NPAS3: variants seen among roughly 807,000 people sequenced by gnomAD.
NPAS3 encodes neuronal PAS domain-containing protein 3.
Under a neutral mutation model 73.1 loss-of-function variants are expected in NPAS3, and 14 were observed. That is an observed-to-expected ratio of 0.19 (90% CI 0.13 to 0.30). The LOEUF (loss-of-function observed/expected upper bound fraction) is 0.30, where lower values mean the gene tolerates loss of function less well. Ranked by LOEUF, NPAS3 falls within the 10% of genes least tolerant of loss-of-function variation. NPAS3 has a pLI of 1.00. For missense variants in NPAS3, 1,096 were observed against 1,250.0 expected (o/e 0.88, Z 1.86); for synonymous variants, 620 against 541.5 (o/e 1.14, Z -2.01).
chr14:33,624,221 A>C (rs552114702), intron 5 of NPAS3, among the ~76,000 whole-genome samples: 1 of 152,322 alleles, frequency 6.6e-6, no homozygotes, highest in South Asian at 2.1e-4. Flanking sequence ...TTGTTCCCCG[A>C]GATATCCCAT....
At chr14:33,566,441 C>A (rs1187746978) in intron 5 of NPAS3, among the ~76,000 whole-genome samples, 1 of 152,002 alleles carries the variant, frequency 6.6e-6, no homozygotes, top group Non-Finnish European at 1.5e-5. Context: ...GCTCGTTCTT[C>A]CCCCCTTTTC....
At chr14:33,605,438 G>T (rs1387074949) in intron 5 of NPAS3, among the ~76,000 whole-genome samples, 4 of 143,516 alleles carry the variant, frequency 2.8e-5, no homozygotes, top group Non-Finnish European at 6.0e-5. Flanking sequence ...CTTAAAATAT[G>T]ATCATCTACC....
intron 2 of NPAS3, among the ~76,000 whole-genome samples, chr14:33,163,249 C>T (rs1353929597): frequency 6.6e-6 from 1 of 152,206 alleles, no homozygotes; most frequent in Admixed American, 6.5e-5. Context: ...TGTCCATTGA[C>T]GACCCTCTGA....
rs1040746461 is a variant in NPAS3 at position 33,464,530 on chromosome 14, T to G, written c.469-95591T>G. Among the ~76,000 whole-genome samples, 9 of 152,322 alleles carry G rather than the reference T, an allele frequency of 5.9e-5. 1 individual carries two copies. The South Asian group carries it at 1.9e-3, about 32-fold the overall frequency. On this transcript the variant is annotated intron_variant, in intron 4 of 11. Coordinates refer to ENST00000356141, the Ensembl canonical transcript of NPAS3. ...GCCACTGCTTCTCTATGAAGTTTTT[T>G]GAGAGATCGACCCCTCCTAATTTTT...
At chr14:33,210,973 G>T (rs890001298) in intron 2 of NPAS3, among the ~76,000 whole-genome samples, 1 of 152,174 alleles carries the variant, frequency 6.6e-6, no homozygotes, top group Non-Finnish European at 1.5e-5. Flanking sequence ...TGAGAAGAGA[G>T]TGCACATTAT....
intron 4 of NPAS3, among the ~76,000 whole-genome samples, chr14:33,497,322 T>G (rs1476341115): frequency 6.6e-6 from 1 of 152,144 alleles, no homozygotes; most frequent in Admixed American, 6.6e-5. Context: ...TACCATTTTC[T>G]TTCCTCACAG....
At position 33,409,884 on chromosome 14, in the gene NPAS3, T is replaced by C. The variant is rs2047843444; in HGVS notation, c.468+42616T>C. ...AGAAAATGACAGGAGACATCTAAAA[T>C]AATCTGGTTGGAGACATTGCTAAAA... On this transcript the variant is annotated intron_variant, in intron 4 of 11. Transcript: ENST00000356141. Among the ~76,000 whole-genome samples, 3 of 152,294 alleles carry C rather than the reference T, an allele frequency of 2.0e-5. No individual in the cohort carries two copies. In the South Asian group the frequency reaches 6.2e-4, roughly 32 times the overall value.
intron 2 of NPAS3, among the ~76,000 whole-genome samples, chr14:33,195,068 CT>C (rs33932671): frequency 0.21 from 31,926 of 151,738 alleles, 3,768 homozygotes; most frequent in South Asian, 0.38. Context: ...TTGGATTTAG[CT>C]TGATGTCACA....
At chr14:33,770,376 C>T (rs2062613157) in intron 7 of NPAS3, among the ~76,000 whole-genome samples, 1 of 152,204 alleles carries the variant, frequency 6.6e-6, no homozygotes, top group Non-Finnish European at 1.5e-5. Context: ...TCGCAAGTGA[C>T]TCTGTCACAT....
intron 3 of NPAS3, among the ~76,000 whole-genome samples, chr14:33,304,720 G>A (rs940495594): frequency 7.3e-4 from 111 of 152,056 alleles, no homozygotes; most frequent in Non-Finnish European, 1.1e-3. Context: ...GGTTTATCTA[G>A]CATCTATAAC....
intron 6 of NPAS3, among the ~76,000 whole-genome samples, chr14:33,733,887 A>T (rs2140639317): frequency 6.6e-6 from 1 of 152,332 alleles, no homozygotes; most frequent in African/African-American, 2.4e-5. Flanking sequence ...TCATGTTAAG[A>T]TAAAAATGAT....
chr14:33,489,945 G>A (rs2051810058), intron 4 of NPAS3, among the ~76,000 whole-genome samples: 1 of 152,102 alleles, frequency 6.6e-6, no homozygotes, highest in Admixed American at 6.6e-5. Context: ...TAGGTTTCAA[G>A]GATATCATAG....
chr14:33,325,401 T>G (rs1345807352), intron 3 of NPAS3, among the ~76,000 whole-genome samples: 3 of 152,218 alleles, frequency 2.0e-5, no homozygotes, highest in Non-Finnish European at 4.4e-5. Context: ...CAATCAATAC[T>G]TTGGGAGACC....
chr14:33,223,014 T>G (rs2047490577), intron 3 of NPAS3, among the ~76,000 whole-genome samples: 1 of 152,084 alleles, frequency 6.6e-6, no homozygotes, highest in Non-Finnish European at 1.5e-5. Flanking sequence ...TCCGTGTGGA[T>G]GTACATGCAG....
intron 2 of NPAS3, among the ~76,000 whole-genome samples, chr14:33,060,526 T>C (rs1487223665): frequency 6.6e-6 from 1 of 152,190 alleles, no homozygotes. Context: ...ATTTAGACAG[T>C]TGTCATTGAA....
intron 4 of NPAS3, among the ~76,000 whole-genome samples, chr14:33,535,368 G>A (rs1162311761): frequency 2.6e-5 from 4 of 152,178 alleles, no homozygotes; most frequent in African/African-American, 9.7e-5. Context: ...CACTTGAGTA[G>A]GACTGCTGTT....
intron 5 of NPAS3, chr14:33,612,313 T>G: frequency 2.3e-6 from 1 of 440,608 alleles, no homozygotes; most frequent in African/African-American, 2.0e-5. Context: ...GCTCAAAGTG[T>G]TTCAACACAT....
At chr14:33,225,061 C>A (rs766580656) in intron 3 of NPAS3, among the ~76,000 whole-genome samples, 5 of 152,150 alleles carry the variant, frequency 3.3e-5, no homozygotes, top group Non-Finnish European at 5.9e-5. Flanking sequence ...CACTTTCCTG[C>A]CTTTCTAACT....
At chr14:33,467,939 G>A (rs541143710) in intron 4 of NPAS3, among the ~76,000 whole-genome samples, 114 of 152,148 alleles carry the variant, frequency 7.5e-4, no homozygotes, top group Non-Finnish European at 1.4e-3. Context: ...GATGGATAGC[G>A]CGAGCCCCAA....
Sources: allele counts gnomAD v4.1 joint callset (sites outside exome capture counted in the v4.1 genomes callset), GRCh38; gene constraint gnomAD v4.1.1; transcripts MANE v1.5; gene names NCBI Gene and HGNC (gene_info 2026-07-23, HGNC 2026-07-21).